The following EFNB2 variants were observed in gnomAD, a reference collection of about 807,000 sequenced individuals.
The protein encoded by EFNB2 is ephrin-B2.
EFNB2 carries 5 observed loss-of-function variants against 32.1 expected under a neutral mutation model. That is an observed-to-expected ratio of 0.16 (90% CI 0.08 to 0.33). The LOEUF is 0.33. EFNB2 is among the 10% of genes least tolerant of loss of function. The pLI is 1.00. For missense variants in EFNB2, 263 were observed against 422.6 expected, an observed-to-expected ratio of 0.62 and a Z score of 3.31; for synonymous variants, 168 against 166.5, an observed-to-expected ratio of 1.01 and a Z score of -0.07.
intron 3 of EFNB2, among the ~76,000 whole-genome samples, chr13:106,495,498 T>TCTATCTATTATC (rs759156157): frequency 2.3e-4 from 34 of 144,904 alleles, no homozygotes; most frequent in African/African-American, 9.1e-4. Flanking sequence ...TATCTATCTA[T>TCTATCTATTATC]TATCTATCTA....
intron 3 of EFNB2, among the ~76,000 whole-genome samples, 177 bp from the exon 4 acceptor site, chr13:106,495,171 T>C (rs1205594009): frequency 6.6e-6 from 1 of 152,256 alleles, no homozygotes; most frequent in Admixed American, 6.5e-5. Context: ...ATACTAGTTA[T>C]TTCAGAGGTT....
chr13:106,510,515 T>A (rs1027399336), intron 2 of EFNB2, among the ~76,000 whole-genome samples: 2 of 152,196 alleles, frequency 1.3e-5, no homozygotes, highest in South Asian at 4.1e-4. Flanking sequence ...TCGGTGGACG[T>A]GGGCTGCATC....
intron 1 of EFNB2, among the ~76,000 whole-genome samples, chr13:106,527,545 C>T (rs979830395): frequency 1.3e-5 from 2 of 152,170 alleles, no homozygotes; most frequent in African/African-American, 2.4e-5. Context: ...TATTTGAAAT[C>T]AGCAAGTATG....
intron 4 of EFNB2, 32 bp downstream of exon 4, chr13:106,494,849 G>A: frequency 6.6e-7 from 1 of 1,522,214 alleles, no homozygotes; most frequent in Non-Finnish European, 9.1e-7. Context: ...GGTACCCACA[G>A]ACCTCCATAC....
At chr13:106,496,760 G>A (rs1878605829) in intron 2 of EFNB2, among the ~76,000 whole-genome samples, 1 of 152,108 alleles carries the variant, frequency 6.6e-6, no homozygotes, top group African/African-American at 2.4e-5. Flanking sequence ...TTAGACCAGC[G>A]AGGTCTCTGA....
chr13:106,514,862 T>C (rs1430520816), intron 1 of EFNB2, among the ~76,000 whole-genome samples: 1 of 152,160 alleles, frequency 6.6e-6, no homozygotes, highest in African/African-American at 2.4e-5. Context: ...CCAAACCAGA[T>C]GTACCCATTT....
rs1879052384 is a variant in EFNB2, at chr13:106,509,111, T to G, written c.406+3418A>C. On this transcript the variant is annotated intron_variant, in intron 2 of 4. Transcript: ENST00000646441. Reference sequence around the variant, plus strand: ...CAGAACAATGACAATACTAAAAGCGTTTTTTAGGGAAATAAATTAAAGTTC... The same window carrying G: ...CAGAACAATGACAATACTAAAAGCGGTTTTTAGGGAAATAAATTAAAGTTC... 1.3e-5 allele frequency among the ~76,000 whole-genome samples: 2 copies of G among 152,182 alleles called. 1 individual carries two copies. The highest frequency in any genetic ancestry group is 6.8e-3 in the Middle Eastern group (2 of 292).
chr13:106,526,947 G>A (rs1249647668), intron 1 of EFNB2, among the ~76,000 whole-genome samples: 1 of 152,144 alleles, frequency 6.6e-6, no homozygotes, highest in African/African-American at 2.4e-5. Flanking sequence ...TGTGGATTGG[G>A]AACAACAGTA....
intron 1 of EFNB2, 36 bp downstream of exon 1, chr13:106,534,807 G>C (rs1375507981): frequency 6.3e-7 from 1 of 1,588,996 alleles, no homozygotes; most frequent in Admixed American, 1.8e-5. Context: ...GCGGACCCCG[G>C]GGCGGGGACA....
chr13:106,499,571 ATCTT>A (rs1352776226), intron 2 of EFNB2, among the ~76,000 whole-genome samples: 2 of 152,202 alleles, frequency 1.3e-5, no homozygotes, highest in African/African-American at 4.8e-5. Context: ...TTTTCTTTGT[ATCTT>A]TCTATCAGCG....
At chr13:106,497,404 GTATCTGTT>G (rs2138901873) in intron 2 of EFNB2, among the ~76,000 whole-genome samples, 1 of 150,372 alleles carries the variant, frequency 6.7e-6, no homozygotes, top group East Asian at 2.0e-4. Context: ...GAAGCAGACA[GTATCTGTT>G]TGTAGATACA....
rs1298088565 is a variant in EFNB2 at position 106,489,931 on chromosome 13, T to A, written c.*3109A>T. On this transcript the variant is annotated 3_prime_UTR_variant, in exon 5 of 5. Coordinates refer to ENST00000646441, the MANE Select transcript of EFNB2 (RefSeq NM_004093.4). ...GAAAAAAATATTTATAACTCAGGCA[T>A]AATACTGTGTTACTTACAAATTGGA... The A allele has an allele frequency of 6.6e-6, 1 of 152,616 alleles. No homozygotes were observed. Among genetic ancestry groups the A allele is most frequent in the Admixed American group, 6.5e-5 (1 of 15,274 alleles). 9.5% of individuals were successfully genotyped at this position (152,616 alleles called of 1,614,324 possible).
rs772561077 is a variant in EFNB2 at position 106,494,872 on chromosome 13, C to G, written c.613+9G>C. On this transcript the variant is annotated intron_variant, in intron 4 of 4. Transcript: ENST00000646441. ...CAGACCTCCATACACACAGATCATGCTGTTATACCTGGATTTGGTTTTACA... is the reference window on the plus strand; with the variant it reads ...CAGACCTCCATACACACAGATCATGGTGTTATACCTGGATTTGGTTTTACA... The G allele has an allele frequency of 6.2e-7, 1 of 1,602,790 alleles. No homozygotes were observed. The highest frequency in any genetic ancestry group is 1.1e-5 in the South Asian group (1 of 90,820).
chr13:106,520,459 T>A (rs964582973), intron 1 of EFNB2: 5 of 152,238 alleles, frequency 3.3e-5, no homozygotes, highest in African/African-American at 1.2e-4. Flanking sequence ...GCCTGCCACA[T>A]CTATACGGAG....
chr13:106,498,213 G>A (rs1225004141), intron 2 of EFNB2, among the ~76,000 whole-genome samples: 2 of 152,124 alleles, frequency 1.3e-5, no homozygotes, highest in Non-Finnish European at 2.9e-5. Flanking sequence ...GAATACAGAT[G>A]TATTTATTTT....
chr13:106,507,328 T>C (rs1056592070), intron 2 of EFNB2, among the ~76,000 whole-genome samples: 2 of 152,190 alleles, frequency 1.3e-5, no homozygotes, highest in Non-Finnish European at 1.5e-5. Flanking sequence ...TAAGAGGACA[T>C]TTGAAAGCTC....
intron 2 of EFNB2, among the ~76,000 whole-genome samples, chr13:106,505,690 T>C (rs1055805075): frequency 6.6e-6 from 1 of 152,248 alleles, no homozygotes; most frequent in African/African-American, 2.4e-5. Flanking sequence ...TTAAAGGTTA[T>C]TAAGAAAGAA....
chr13:106,501,536 G>A (rs1878777381), intron 2 of EFNB2, among the ~76,000 whole-genome samples: 2 of 151,744 alleles, frequency 1.3e-5, no homozygotes, highest in South Asian at 2.1e-4. Context: ...AAGTTTTATG[G>A]TATACTTTCC....
At chr13:106,510,622 G>C (rs778924230) in intron 2 of EFNB2, among the ~76,000 whole-genome samples, 1 of 151,002 alleles carries the variant, frequency 6.6e-6, no homozygotes, top group East Asian at 1.9e-4. Context: ...ACCCCACCTA[G>C]GGGCATTAAC....
Sources: allele counts gnomAD v4.1 joint callset (sites outside exome capture counted in the v4.1 genomes callset), GRCh38; gene constraint gnomAD v4.1.1; transcripts MANE v1.5; gene names NCBI Gene and HGNC (gene_info 2026-07-23, HGNC 2026-07-21).